CDKN2B-AS1: variants seen among roughly 807,000 people sequenced by gnomAD.
The protein encoded by CDKN2B-AS1 is CDKN2B and CDKN2A antisense cis and trans regulatory RNA 1.
chr9:22,114,061 C>T (rs751190411), intron 4 of CDKN2B-AS1, among the ~76,000 whole-genome samples: 2 of 152,066 alleles, frequency 1.3e-5, no homozygotes, highest in Non-Finnish European at 1.5e-5. Flanking sequence ...TACATGGTAC[C>T]AAAAACAATG....
chr9:22,100,099 A>G (rs1336169090), intron 4 of CDKN2B-AS1, among the ~76,000 whole-genome samples: 1 of 152,162 alleles, frequency 6.6e-6, no homozygotes, highest in Non-Finnish European at 1.5e-5. Flanking sequence ...AGGCGATAGT[A>G]TTTTATTGAC....
rs1820934209 is a variant in CDKN2B-AS1 at position 22,001,896 on chromosome 9, A to T, written n.29+6735A>T. Among the ~76,000 whole-genome samples the T allele has an allele frequency of 6.6e-6, 1 of 152,120 alleles. No individual in the cohort carries two copies. The highest frequency in any genetic ancestry group is 2.4e-5 in the African/African-American group (1 of 41,440). On this transcript the variant is annotated intron_variant and non_coding_transcript_variant, in intron 1 of 4. Transcript: ENST00000650946. The surrounding 1 kb of genome is among the most constrained non-coding windows in gnomAD (Gnocchi z 4.2). ...ATCTAGGTCTTCTATCTTCCAGTCA[A>T]GTCCTTGTTTCACTTTTCTTCATTC...
chr9:22,114,654 C>G (rs1825897703), intron 4 of CDKN2B-AS1, among the ~76,000 whole-genome samples: 1 of 152,230 alleles, frequency 6.6e-6, no homozygotes, highest in African/African-American at 2.4e-5. Flanking sequence ...ATCTGCTGTG[C>G]TTAGTAATTG....
chr9:22,091,736 G>T (rs996051005), intron 4 of CDKN2B-AS1, among the ~76,000 whole-genome samples: 1 of 152,150 alleles, frequency 6.6e-6, no homozygotes, highest in African/African-American at 2.4e-5. Context: ...AGACGATGGG[G>T]TTTTCTAGAT....
At chr9:22,027,954 A>T (rs1822308942) in intron 1 of CDKN2B-AS1, among the ~76,000 whole-genome samples, 1 of 152,188 alleles carries the variant, frequency 6.6e-6, no homozygotes, top group Non-Finnish European at 1.5e-5. Context: ...GTTTTATACT[A>T]TATCATAAAA....
Position 22,039,081 on chromosome 9 carries a change from A to AT in CDKN2B-AS1, n.30-7667dup, listed in dbSNP as rs1427989691. ...AGAAAATGGGTTTAGGGATTTAGAA[A>AT]TTTCTTTACTAAATAACTCTAGGGA... On this transcript the variant is annotated intron_variant and non_coding_transcript_variant, in intron 1 of 4. Transcript: ENST00000650946. The surrounding 1 kb of genome is among the most constrained non-coding windows in gnomAD (Gnocchi z 4.4). Among the ~76,000 whole-genome samples the AT allele has an allele frequency of 6.6e-6, 1 of 152,004 alleles. No homozygotes were observed. The highest frequency in any genetic ancestry group is 1.5e-5 in the Non-Finnish European group (1 of 67,956).
chr9:22,008,850 T>C, intron 1 of CDKN2B-AS1: 1 of 1,610,782 alleles, frequency 6.2e-7, no homozygotes, highest in Non-Finnish European at 8.5e-7. Flanking sequence ...CGCGCCGGCT[T>C]CCAGGAGCTG....
chr9:22,101,098 A>G (rs535817501), intron 4 of CDKN2B-AS1, among the ~76,000 whole-genome samples: 7 of 152,296 alleles, frequency 4.6e-5, no homozygotes, highest in Admixed American at 4.6e-4. Flanking sequence ...TTATTTCTGT[A>G]TTTATGAAAA....
intron 1 of CDKN2B-AS1, among the ~76,000 whole-genome samples, chr9:22,024,353 G>A (rs548982327): frequency 1.4e-4 from 21 of 152,274 alleles, no homozygotes; most frequent in Admixed American, 5.9e-4. Context: ...GGGTGCTAGC[G>A]GATTCAGGGG....
chr9:22,088,019 C>A lies in CDKN2B-AS1; in HGVS notation n.438+31632C>A, dbSNP rs540211166. Among the ~76,000 whole-genome samples the A allele has an allele frequency of 2.0e-5, 3 of 152,286 alleles. No homozygotes were observed. In the South Asian group the frequency reaches 6.2e-4, roughly 32 times the overall value. On this transcript the variant is annotated intron_variant and non_coding_transcript_variant, in intron 4 of 4. Transcript: ENST00000650946. ...ATCCTTCCACTGACTGAGACTATTTCCTTGCCACAATCAGAAGAACTAAAA... is the reference window on the plus strand; with the variant it reads ...ATCCTTCCACTGACTGAGACTATTTACTTGCCACAATCAGAAGAACTAAAA...
intron 1 of CDKN2B-AS1, among the ~76,000 whole-genome samples, chr9:22,027,193 A>T (rs1822273877): frequency 6.8e-6 from 1 of 147,400 alleles, no homozygotes; most frequent in South Asian, 2.2e-4. Context: ...AAAAAAAAAA[A>T]TTAATAACAT....
chr9:22,098,389 T>C (rs1030412382), intron 4 of CDKN2B-AS1, among the ~76,000 whole-genome samples: 3 of 151,392 alleles, frequency 2.0e-5, no homozygotes, highest in African/African-American at 4.9e-5. Context: ...CTATTACTTA[T>C]AGGGGTTATG....
chr9:22,033,382 C>A (rs1184773545), intron 1 of CDKN2B-AS1, among the ~76,000 whole-genome samples: 1 of 152,102 alleles, frequency 6.6e-6, no homozygotes, highest in East Asian at 1.9e-4. Context: ...GAATTTGAAT[C>A]ACAATTTCCT....
intron 4 of CDKN2B-AS1, among the ~76,000 whole-genome samples, chr9:22,105,973 C>T (rs899643563): frequency 6.6e-6 from 1 of 152,180 alleles, no homozygotes; most frequent in African/African-American, 2.4e-5. Context: ...TGCAATGGCA[C>T]GATCTTGGCT....
At chr9:22,034,781 C>T (rs768401579) in intron 1 of CDKN2B-AS1, among the ~76,000 whole-genome samples, 57 of 152,100 alleles carry the variant, frequency 3.7e-4, no homozygotes, top group Non-Finnish European at 2.4e-4. Flanking sequence ...AATAAAGACT[C>T]ACCCATAGAC....
intron 4 of CDKN2B-AS1, among the ~76,000 whole-genome samples, chr9:22,087,368 T>C (rs1353075726): frequency 1.3e-5 from 2 of 152,194 alleles, no homozygotes; most frequent in Admixed American, 6.5e-5. Flanking sequence ...GAGGACAGTA[T>C]AGCAAGAAAC....
In CDKN2B-AS1 at chr9:21,996,480, T is replaced by G. The variant is rs1820691763; in HGVS notation, n.29+1319T>G. ...AGGTCTCTTCTGAAGTAAGTAGCCC[T>G]TCCTCAGAAATGCTTCCCTTTTCAG... is the stretch of plus-strand genomic sequence containing the variant. On this transcript the variant is annotated intron_variant and non_coding_transcript_variant, in intron 1 of 4. Transcript: ENST00000650946. The surrounding 1 kb of genome is among the most constrained non-coding windows in gnomAD (Gnocchi z 5.4). 6.6e-6 allele frequency among the ~76,000 whole-genome samples: 1 copy of G among 152,194 alleles called. No homozygotes were observed. The highest frequency in any genetic ancestry group is 1.5e-5 in the Non-Finnish European group (1 of 68,024).
At chr9:22,048,022 T>C (rs912303860) in intron 2 of CDKN2B-AS1, among the ~76,000 whole-genome samples, 2 of 151,956 alleles carry the variant, frequency 1.3e-5, no homozygotes, top group Non-Finnish European at 2.9e-5. Flanking sequence ...CTCGAGCTCC[T>C]AGGCTCAAGG....
chr9:22,061,054 A>G (rs528157852), intron 4 of CDKN2B-AS1, among the ~76,000 whole-genome samples: 1 of 152,330 alleles, frequency 6.6e-6, no homozygotes, highest in South Asian at 2.1e-4. Flanking sequence ...ACTTTTGAGA[A>G]TCTTGTACTG....
Sources: allele counts gnomAD v4.1 joint callset (sites outside exome capture counted in the v4.1 genomes callset), GRCh38; gene constraint gnomAD v4.1.1; non-coding constraint Gnocchi (gnomAD v3.1); transcripts MANE v1.5; gene names NCBI Gene and HGNC (gene_info 2026-07-23, HGNC 2026-07-21).